Variants in MAN2B2 observed in about 807,000 individuals in gnomAD.
The protein encoded by MAN2B2 is epididymis-specific alpha-mannosidase.
Under a neutral mutation model 117.1 loss-of-function variants are expected in MAN2B2, and 106 were observed. That is an observed-to-expected ratio of 0.90 (90% confidence interval 0.77 to 1.06). The LOEUF is 1.06. Ranked by LOEUF, MAN2B2 falls within the 50% of genes least tolerant of loss-of-function variation. The pLI is 0.00. For synonymous variants in MAN2B2, 544 were observed against 595.1 expected (o/e 0.91, Z 1.25); for missense variants, 1,326 against 1,381.4 (o/e 0.96, Z 0.64).
intron 2 of MAN2B2, among the ~76,000 whole-genome samples, chr4:6,577,079 C>T (rs949556190): frequency 1.3e-5 from 2 of 152,158 alleles, no homozygotes; most frequent in Non-Finnish European, 2.9e-5. Context: ...TTTGTGTTAT[C>T]TGCCTGGCCC....
rs142055589 is a variant in MAN2B2, at chr4:6,593,078, A to T, written c.681-95A>T. 5,162 of 1,185,452 alleles carry T rather than the reference A, an allele frequency of 4.4e-3. 13 individuals carry two copies. The highest frequency in any genetic ancestry group is 5.4e-3 in the Non-Finnish European group (4,450 of 830,348). The allele number at this position is 1,185,452 out of a possible 1,614,324, so 73.4% of individuals were successfully genotyped here. On this transcript the variant is annotated intron_variant, in intron 5 of 18. Transcript: ENST00000285599. ...CAGTCTCAGGGTGAAATGATGTGCCAAGGTCCCAAGGCTGGGAGAACATGG... is the reference window on the plus strand; with the variant it reads ...CAGTCTCAGGGTGAAATGATGTGCCTAGGTCCCAAGGCTGGGAGAACATGG...
chr4:6,614,360 G>A lies in MAN2B2; in HGVS notation c.2701+5G>A, dbSNP rs1468058444. The A allele has an allele frequency of 1.9e-6, 3 of 1,613,302 alleles. No individual in the cohort carries two copies. Among genetic ancestry groups the A allele is most frequent in the South Asian group, 2.2e-5 (2 of 91,068 alleles). On this transcript the variant is annotated splice_donor_5th_base_variant and intron_variant, in intron 16 of 18. Transcript: ENST00000285599. ...ACTCTCAGAATCTCCGGAAAGGTGAGGCAGGTGCCCTGGCGTCTCAGACCT... is the reference window on the plus strand; with the variant it reads ...ACTCTCAGAATCTCCGGAAAGGTGAAGCAGGTGCCCTGGCGTCTCAGACCT...
At chr4:6,589,220 C>A (rs1726766325) in intron 5 of MAN2B2, 60 bp downstream of exon 5, 1 of 1,304,576 alleles carries the variant, frequency 7.7e-7, no homozygotes, top group Non-Finnish European at 1.1e-6. Context: ...CCAGCCCCTG[C>A]AGCTGTTCTG....
intron 11 of MAN2B2, among the ~76,000 whole-genome samples, chr4:6,607,152 T>C (rs1727582972): frequency 6.6e-6 from 1 of 152,230 alleles, no homozygotes; most frequent in South Asian, 2.1e-4. Context: ...TCATACAATA[T>C]GTGGTCCTTT....
chr4:6,611,223 G>C lies in MAN2B2; in HGVS notation c.2508G>C (p.Gln836His), dbSNP rs1220405999. The change falls in exon 15 of 19, where the codon CAG becomes CAC. Residue 836 changes from glutamine (Q) to histidine (H), a missense_variant. Gln to His is a conservative substitution (Grantham distance 24). Transcript: ENST00000285599. ...GSWSLTTALR[Q>H]RSALALQHRP... ...GGTCCCTCACCACTGCCCTGCGCCA[G>C]AGGAGCGCACTGGCGCTGCAGCACA... 3.1e-6 allele frequency: 5 copies of C among 1,613,596 alleles called. No individual in the cohort carries two copies. Among genetic ancestry groups the C allele is most frequent in the Non-Finnish European group, 4.2e-6 (5 of 1,179,980 alleles).
Position 6,589,106 on chromosome 4 carries a change from A to G in MAN2B2, c.626A>G (p.His209Arg), listed in dbSNP as rs144348976. The change falls in exon 5 of 19, where the codon CAC (histidine) becomes CGC (arginine). Residue 209 changes from histidine (H) to arginine (R), a missense_variant. By Grantham distance (29) the His-to-Arg change is conservative. Transcript: ENST00000285599. ...SLSERQEIFT[H>R]IMDQYSYCTP... The stretch of plus-strand genomic sequence containing the variant: ...TCAGAGCGGCAGGAAATCTTCACGC[A>G]CATCATGGACCAGTACAGCTACTGC... The G allele has an allele frequency of 6.2e-7, 1 of 1,614,196 alleles. No homozygotes were observed. Among genetic ancestry groups the G allele is most frequent in the South Asian group, 1.1e-5 (1 of 91,086 alleles).
chr4:6,615,308 C>T (rs1266310954), intron 16 of MAN2B2, among the ~76,000 whole-genome samples: 2 of 152,198 alleles, frequency 1.3e-5, no homozygotes, highest in Non-Finnish European at 2.9e-5. Context: ...CTGCAGCCGC[C>T]TTGTGAAATG....
chr4:6,581,181 C>T (rs1375602055), intron 3 of MAN2B2, among the ~76,000 whole-genome samples: 2 of 152,098 alleles, frequency 1.3e-5, no homozygotes, highest in Non-Finnish European at 2.9e-5. Context: ...ATGTGCCCAC[C>T]ACCAGCTAAG....
chr4:6,588,868 C>T (rs149309878), intron 4 of MAN2B2, among the ~76,000 whole-genome samples, 177 bp from the exon 5 acceptor site: 3,461 of 152,196 alleles, frequency 0.023, 160 homozygotes, highest in Non-Finnish European at 0.022. Flanking sequence ...GCACTCCTTC[C>T]GGAGGGCAAA....
At chr4:6,587,661 G>A (rs1726686998) in intron 4 of MAN2B2, among the ~76,000 whole-genome samples, 2 of 152,100 alleles carry the variant, frequency 1.3e-5, no homozygotes, top group South Asian at 4.2e-4. Flanking sequence ...GGAGTCCCAG[G>A]CCTGGTACCA....
chr4:6,612,876 A>C (rs1711638347), intron 15 of MAN2B2, among the ~76,000 whole-genome samples: 1 of 152,166 alleles, frequency 6.6e-6, no homozygotes, highest in Admixed American at 6.5e-5. Flanking sequence ...TAACCAAGGG[A>C]AGGGCAGGGT....
chr4:6,593,164 C>G lies in MAN2B2; in HGVS notation c.681-9C>G. 1 of 1,613,148 alleles carries G rather than the reference C, an allele frequency of 6.2e-7. No homozygotes were observed. The highest frequency in any genetic ancestry group is 1.1e-5 in the South Asian group (1 of 90,932). On this transcript the variant is annotated splice_polypyrimidine_tract_variant and intron_variant, in intron 5 of 18. Coordinates refer to ENST00000285599, the MANE Select transcript of MAN2B2 (RefSeq NM_015274.3). ...GTGTCTTCTGCCCTAACCTTCTGCC[C>G]TCGCACAGGTCAGGATTTTACTGGA...
At chr4:6,600,450 G>A (rs374690556) in intron 9 of MAN2B2, among the ~76,000 whole-genome samples, 173 bp from the exon 10 acceptor site, 2 of 152,306 alleles carry the variant, frequency 1.3e-5, no homozygotes, top group South Asian at 2.1e-4. Flanking sequence ...TGTAGCCCAC[G>A]CTGTGTCTGT....
chr4:6,580,273 C>T (rs898373541), intron 3 of MAN2B2, among the ~76,000 whole-genome samples: 6 of 152,158 alleles, frequency 3.9e-5, no homozygotes, highest in Admixed American at 2.6e-4. Context: ...CCTGCTTGTC[C>T]CCCTGCATCC....
intron 18 of MAN2B2, 36 bp downstream of exon 18, chr4:6,620,080 C>G (rs1243382550): frequency 6.4e-7 from 1 of 1,551,188 alleles, no homozygotes; most frequent in Admixed American, 1.8e-5. Flanking sequence ...CTACCCAGGA[C>G]TCCCAGCCAG....
chr4:6,583,931 G>A (rs888789304), intron 3 of MAN2B2, among the ~76,000 whole-genome samples: 2 of 152,274 alleles, frequency 1.3e-5, no homozygotes, highest in Admixed American at 1.3e-4. Flanking sequence ...CCCATCTGAC[G>A]CTTTCTTCCC....
rs186419670 is a variant in MAN2B2 at position 6,596,214 on chromosome 4, G to A, written c.1058-899G>A. ...GTCCAGGTGGGCGTGGTATCCAGGC[G>A]GGCATGGTATCGTGATGACCACTGA... On this transcript the variant is annotated intron_variant, in intron 7 of 18. Coordinates refer to ENST00000285599, the MANE Select transcript of MAN2B2 (RefSeq NM_015274.3). 1.3e-4 allele frequency among the ~76,000 whole-genome samples: 20 copies of A among 152,176 alleles called. No homozygotes were observed. In the East Asian group the frequency reaches 1.7e-3, roughly 13 times the overall value.
Position 6,600,737 on chromosome 4 carries a change from G to A in MAN2B2, c.1520G>A (p.Gly507Asp). The part of the protein sequence containing the change: ...FPGVRVTDEA[G>D]HPVPSQIQNS... Reference sequence around the variant, plus strand: ...GGAGTCCGCGTCACAGATGAGGCGGGCCACCCAGTGCCCTCGCAGGTATGG... The same window carrying A: ...GGAGTCCGCGTCACAGATGAGGCGGACCACCCAGTGCCCTCGCAGGTATGG... Residue 507 changes from glycine (G) to aspartate (D), a missense_variant, in exon 10 of 19, where the codon GGC becomes GAC. Transcript: ENST00000285599. 1 of 1,613,630 alleles carries A rather than the reference G, an allele frequency of 6.2e-7. No individual in the cohort carries two copies. The highest frequency in any genetic ancestry group is 1.1e-5 in the South Asian group (1 of 91,078).
In MAN2B2 at chr4:6,619,973, C is replaced by T. The variant is rs1265762465; in HGVS notation, c.2861C>T (p.Ser954Leu). The T allele has an allele frequency of 2.4e-5, 38 of 1,613,904 alleles. 1 individual carries two copies. The highest frequency in any genetic ancestry group is 5.5e-5 in the South Asian group (5 of 91,070). Reference protein sequence around the residue: ...LGSVVAVEERSLTGTWDLSML... With the variant: ...LGSVVAVEERLLTGTWDLSML... ...TCCGTGGTGGCAGTGGAGGAGCGCT[C>T]GCTCACAGGGACCTGGGATTTGAGC... Residue 954 changes from serine (S) to leucine (L), a missense_variant, in exon 18 of 19, where the codon TCG (serine) becomes TTG (leucine). By Grantham distance (145) the Ser-to-Leu change is moderately radical (BLOSUM62 -2). Coordinates refer to ENST00000285599, the MANE Select transcript of MAN2B2 (RefSeq NM_015274.3).
Sources: gnomAD v4.1 joint callset for allele counts (sites outside exome capture counted in the v4.1 genomes callset) on GRCh38, gnomAD v4.1.1 for gene constraint, MANE v1.5 for transcripts, NCBI Gene and HGNC (gene_info 2026-07-23, HGNC 2026-07-21) for gene names.